Variants in CFAP299 observed in about 807,000 individuals in gnomAD.
The protein encoded by CFAP299 is cilia- and flagella-associated protein 299.
Under a neutral mutation model 27.0 loss-of-function variants are expected in CFAP299, and 21 were observed. The ratio of observed to expected loss-of-function variants is 0.78; its 90% CI spans 0.55 to 1.12. The LOEUF is 1.12. Among genes scored for constraint, CFAP299 ranks in the 50% most tolerant of loss-of-function variants. The pLI is 0.00. For missense variants in CFAP299, 310 were observed against 276.6 expected (o/e 1.12, Z -0.86); for synonymous variants, 104 against 98.1 (o/e 1.06, Z -0.36).
chr4:80,799,171 T>C (rs1490048984), intron 3 of CFAP299, among the ~76,000 whole-genome samples: 1 of 125,562 alleles, frequency 8.0e-6, no homozygotes, highest in African/African-American at 3.0e-5. Flanking sequence ...ACAATATTTA[T>C]ATATATTGTA....
At chr4:80,390,003 A>G (rs1182801879) in intron 2 of CFAP299, among the ~76,000 whole-genome samples, 1 of 152,192 alleles carries the variant, frequency 6.6e-6, no homozygotes, top group African/African-American at 2.4e-5. Context: ...TTATTGAGGT[A>G]TAACTGACAA....
intron 2 of CFAP299, among the ~76,000 whole-genome samples, chr4:80,373,501 T>C (rs928799647): frequency 1.3e-5 from 2 of 152,178 alleles, no homozygotes; most frequent in African/African-American, 4.8e-5. Context: ...CAGTGCATCG[T>C]GCTTTTTTAC....
intron 2 of CFAP299, among the ~76,000 whole-genome samples, chr4:80,576,189 A>ATAAT (rs1393794386): frequency 9.5e-4 from 41 of 42,964 alleles, no homozygotes; most frequent in Middle Eastern, 0.023. Flanking sequence ...TATAATAATA[A>ATAAT]AAAAAAAAAT....
intron 3 of CFAP299, among the ~76,000 whole-genome samples, chr4:80,620,306 AC>A (rs1312385777): frequency 6.6e-6 from 1 of 152,096 alleles, no homozygotes; most frequent in Non-Finnish European, 1.5e-5. Context: ...ATACCATTAT[AC>A]CATGTATAAC....
At chr4:80,570,352 A>C (rs1289833567) in intron 2 of CFAP299, among the ~76,000 whole-genome samples, 1 of 152,032 alleles carries the variant, frequency 6.6e-6, no homozygotes, top group Non-Finnish European at 1.5e-5. Flanking sequence ...CTACGTGTGA[A>C]ATAATATATT....
chr4:80,656,196 T>C (rs1740546586), intron 3 of CFAP299, among the ~76,000 whole-genome samples: 1 of 152,046 alleles, frequency 6.6e-6, no homozygotes, highest in African/African-American at 2.4e-5. Flanking sequence ...AAAAAGACTA[T>C]TATTATTACA....
intron 3 of CFAP299, among the ~76,000 whole-genome samples, chr4:80,646,777 G>A (rs1740030073): frequency 6.6e-6 from 1 of 151,870 alleles, no homozygotes; most frequent in African/African-American, 2.4e-5. Context: ...CTCTTTCTCT[G>A]TACTCTTTTT....
At chr4:80,724,978 T>G (rs1273308482) in intron 3 of CFAP299, among the ~76,000 whole-genome samples, 1 of 150,752 alleles carries the variant, frequency 6.6e-6, no homozygotes, top group Non-Finnish European at 1.5e-5. Flanking sequence ...GACAGAGTCT[T>G]GCTGTGTTGC....
At chr4:80,606,591 A>T (rs1737691198) in intron 3 of CFAP299, among the ~76,000 whole-genome samples, 1 of 152,140 alleles carries the variant, frequency 6.6e-6, no homozygotes, top group Admixed American at 6.5e-5. Context: ...ATACAAAGAG[A>T]TGTACATTTG....
At chr4:80,369,099 A>G (rs1724000615) in intron 2 of CFAP299, among the ~76,000 whole-genome samples, 1 of 152,240 alleles carries the variant, frequency 6.6e-6, no homozygotes, top group African/African-American at 2.4e-5. Context: ...AGGCCTTAGT[A>G]TCTCCACTGT....
At chr4:80,402,901 G>A (rs926768731) in intron 2 of CFAP299, among the ~76,000 whole-genome samples, 1 of 152,132 alleles carries the variant, frequency 6.6e-6, no homozygotes, top group Non-Finnish European at 1.5e-5. Flanking sequence ...ACAATATTGG[G>A]TTTGAAAAGG....
chr4:80,652,594 A>T (rs1188656194), intron 3 of CFAP299, among the ~76,000 whole-genome samples: 1 of 152,148 alleles, frequency 6.6e-6, no homozygotes, highest in Admixed American at 6.6e-5. Context: ...TAACTTTAAC[A>T]GTCACAAAAA....
At chr4:80,789,688 G>A (rs1560752703) in intron 3 of CFAP299, among the ~76,000 whole-genome samples, 1 of 151,984 alleles carries the variant, frequency 6.6e-6, no homozygotes, top group Non-Finnish European at 1.5e-5. Flanking sequence ...GCAAACAGAA[G>A]TACAGAATAA....
chr4:80,885,395 C>A (rs1235508261), intron 4 of CFAP299, among the ~76,000 whole-genome samples: 1 of 152,164 alleles, frequency 6.6e-6, no homozygotes, highest in African/African-American at 2.4e-5. Flanking sequence ...GATGTTGCAG[C>A]TATGGGAATG....
At chr4:80,482,719 A>G (rs1343324241) in intron 2 of CFAP299, among the ~76,000 whole-genome samples, 2 of 152,190 alleles carry the variant, frequency 1.3e-5, no homozygotes, top group African/African-American at 4.8e-5. Context: ...TCTGCAAAGC[A>G]TTATTGTCCC....
intron 3 of CFAP299, among the ~76,000 whole-genome samples, chr4:80,785,571 G>T (rs1578122490): frequency 6.6e-6 from 1 of 152,096 alleles, no homozygotes; most frequent in Non-Finnish European, 1.5e-5. Flanking sequence ...TTGGAATTAT[G>T]GGATCTTGCA....
intron 3 of CFAP299, among the ~76,000 whole-genome samples, chr4:80,624,472 A>G (rs1004368209): frequency 2.0e-5 from 3 of 151,886 alleles, no homozygotes; most frequent in Non-Finnish European, 4.4e-5. Flanking sequence ...TAAATAAATA[A>G]ATAAGCTTAT....
intron 3 of CFAP299, among the ~76,000 whole-genome samples, chr4:80,634,813 T>C (rs1484914304): frequency 6.6e-6 from 1 of 152,184 alleles, no homozygotes; most frequent in Non-Finnish European, 1.5e-5. Flanking sequence ...TATGAACATC[T>C]AGTATCATTA....
intron 2 of CFAP299, among the ~76,000 whole-genome samples, chr4:80,554,453 G>T (rs2087019): frequency 0.13 from 18,837 of 147,870 alleles, 1,415 homozygotes; most frequent in South Asian, 0.24. Context: ...TCTTTATTTT[G>T]CATTGCCCTG....
Sources: allele counts gnomAD v4.1 joint callset (sites outside exome capture counted in the v4.1 genomes callset), GRCh38; gene constraint gnomAD v4.1.1; transcripts MANE v1.5; gene names NCBI Gene and HGNC (gene_info 2026-07-23, HGNC 2026-07-21).